The following FAM149B1 variants were observed in gnomAD, a reference collection of about 807,000 sequenced individuals.
FAM149B1 encodes family with sequence similarity 149 member B1.
Under a neutral mutation model 75.3 loss-of-function variants are expected in FAM149B1, and 56 were observed. The ratio of observed to expected loss-of-function variants is 0.74; its 90% CI spans 0.60 to 0.93. The LOEUF is 0.93. Ranked by LOEUF, FAM149B1 falls within the 40% of genes least tolerant of loss-of-function variation. The pLI is 0.00. For missense variants in FAM149B1, 639 were observed against 708.4 expected (o/e 0.90, Z 1.11); for synonymous variants, 259 against 256.1 (o/e 1.01, Z -0.11).
chr10:73,208,654 C>T lies in FAM149B1; in HGVS notation c.578C>T (p.Ser193Phe). Residue 193 changes from serine to phenylalanine, a missense_variant, in exon 6 of 14, where the codon TCT (serine) becomes TTT (phenylalanine). Coordinates refer to ENST00000242505, the MANE Select transcript of FAM149B1 (RefSeq NM_173348.2). Reference protein sequence around the residue: ...GIRGKKLHFSSSYAHKASSIA... With the variant: ...GIRGKKLHFSFSYAHKASSIA... ...AGGGGAAAGAAGTTACATTTTTCAT[C>T]TTCTTATGCTCATAAAGCATCTTCC... 6.5e-7 allele frequency: 1 copy of T among 1,538,944 alleles called. No individual in the cohort carries two copies. Among genetic ancestry groups the T allele is most frequent in the Non-Finnish European group, 8.8e-7 (1 of 1,140,270 alleles).
intron 3 of FAM149B1, among the ~76,000 whole-genome samples, chr10:73,191,711 T>G (rs1166003911): frequency 6.6e-6 from 1 of 152,224 alleles, no homozygotes; most frequent in East Asian, 1.9e-4. Context: ...AGATGCAGTA[T>G]AAAAAGTAAT....
In FAM149B1 at chr10:73,228,149, C is replaced by T. The variant is rs1336940079; in HGVS notation, c.988C>T (p.Pro330Ser). The T allele has an allele frequency of 8.4e-6, 13 of 1,551,410 alleles. No individual in the cohort carries two copies. The Admixed American group carries it at 2.4e-4, about 28-fold the overall frequency. The change falls in exon 8 of 14, where the codon CCA becomes TCA. Residue 330 changes from proline (P) to serine (S), a missense_variant. By Grantham distance (74) the Pro-to-Ser change is moderately conservative (BLOSUM62 -1). Transcript: ENST00000242505. Reference protein sequence around the residue: ...ELHPLVLPRVPQSKVLYITSN... With the variant: ...ELHPLVLPRVSQSKVLYITSN... ...ACATCCTTTGGTGTTACCGCGAGTG[C>T]CACAGTCTAAGGTGCTGTACATTAC...
intron 5 of FAM149B1, among the ~76,000 whole-genome samples, chr10:73,194,775 C>T (rs538596502): frequency 4.2e-4 from 63 of 151,802 alleles, no homozygotes; most frequent in Non-Finnish European, 6.9e-4. Flanking sequence ...CCTCCGCCTC[C>T]CAGGTTCAAG....
At chr10:73,222,477 C>T (rs982620383) in intron 7 of FAM149B1, among the ~76,000 whole-genome samples, 8 of 152,042 alleles carry the variant, frequency 5.3e-5, no homozygotes, top group Non-Finnish European at 1.2e-4. Flanking sequence ...ACTGATAGTA[C>T]ATTTTGAATG....
chr10:73,193,678 C>G, intron 5 of FAM149B1, 85 bp downstream of exon 5: 1 of 1,271,204 alleles, frequency 7.9e-7, no homozygotes, highest in Non-Finnish European at 1.1e-6. Flanking sequence ...GATTAAAATA[C>G]TTCTTCCTAC....
intron 9 of FAM149B1, 63 bp downstream of exon 9, chr10:73,230,588 AGT>A (rs2043667607): frequency 1.1e-6 from 1 of 941,560 alleles, no homozygotes. Context: ...AAGCAAAATC[AGT>A]TTATCAGTAT....
intron 4 of FAM149B1, among the ~76,000 whole-genome samples, chr10:73,193,095 C>T (rs1478188249): frequency 6.6e-6 from 1 of 152,174 alleles, no homozygotes; most frequent in Non-Finnish European, 1.5e-5. Context: ...CCACTTATTG[C>T]ACATACTCAA....
At chr10:73,198,981 A>G (rs2042870743) in intron 5 of FAM149B1, among the ~76,000 whole-genome samples, 1 of 152,100 alleles carries the variant, frequency 6.6e-6, no homozygotes, top group Admixed American at 6.5e-5. Flanking sequence ...CACTTTCATT[A>G]GAGATGCGGA....
chr10:73,192,645 C>T lies in FAM149B1; in HGVS notation c.372C>T (p.Thr124=), dbSNP rs1024747746. ...LLYEQKLSVH[T]KSLQEECQQW... ...ATGAGCAGAAGTTGAGTGTGCATAC[C>T]AAGAGTCTACAAGAAGAGTGCCAAC... The change falls in exon 4 of 14, where the codon ACC becomes ACT. Residue 124 remains threonine, a synonymous_variant. Transcript: ENST00000242505. 6.4e-7 allele frequency: 1 copy of T among 1,550,984 alleles called. No individual in the cohort carries two copies. The highest frequency in any genetic ancestry group is 8.7e-7 in the Non-Finnish European group (1 of 1,146,868).
At chr10:73,235,146 A>G (rs2043793852) in intron 11 of FAM149B1, 47 bp from the exon 12 acceptor site, 4 of 1,543,460 alleles carry the variant, frequency 2.6e-6, no homozygotes, top group Middle Eastern at 1.7e-4. Flanking sequence ...TACATACCAC[A>G]TTACAGATAG....
chr10:73,222,542 T>TC (rs991364731), intron 7 of FAM149B1, among the ~76,000 whole-genome samples: 15 of 152,300 alleles, frequency 9.8e-5, no homozygotes, highest in African/African-American at 3.6e-4. Flanking sequence ...CTATTTCTCT[T>TC]CTTTAAGATA....
At chr10:73,223,846 A>G (rs2043473392) in intron 7 of FAM149B1, among the ~76,000 whole-genome samples, 1 of 152,118 alleles carries the variant, frequency 6.6e-6, no homozygotes, top group Non-Finnish European at 1.5e-5. Flanking sequence ...GGTGGTAATT[A>G]AAAGTCCAGA....
intron 5 of FAM149B1, among the ~76,000 whole-genome samples, chr10:73,197,515 A>G (rs2042834282): frequency 6.6e-6 from 1 of 152,132 alleles, no homozygotes; most frequent in Admixed American, 6.5e-5. Context: ...CACGCCTGTA[A>G]TCCTAGCACT....
intron 12 of FAM149B1, chr10:73,235,567 C>T (rs1289449158): frequency 1.4e-6 from 1 of 714,272 alleles, no homozygotes; most frequent in East Asian, 4.2e-5. Context: ...TATGTCTGAC[C>T]ACAAGCAAGA....
chr10:73,194,930 C>T (rs1174135157), intron 5 of FAM149B1, among the ~76,000 whole-genome samples: 13 of 152,028 alleles, frequency 8.6e-5, no homozygotes, highest in African/African-American at 2.4e-4. Flanking sequence ...GTGATCTGCC[C>T]GCCTCGGCCT....
chr10:73,168,607 T>G (rs554626556), intron 1 of FAM149B1, among the ~76,000 whole-genome samples: 198 of 152,376 alleles, frequency 1.3e-3, no homozygotes, highest in Non-Finnish European at 2.1e-3. Flanking sequence ...GCACTGGGTC[T>G]GCTGAAGCAT....
chr10:73,231,943 A>G (rs552925692), intron 9 of FAM149B1, among the ~76,000 whole-genome samples: 10 of 149,372 alleles, frequency 6.7e-5, no homozygotes, highest in African/African-American at 1.7e-4. Context: ...AAAAAAAGGC[A>G]TAAGTGAATT....
At chr10:73,231,626 G>A (rs549866305) in intron 9 of FAM149B1, among the ~76,000 whole-genome samples, 1 of 146,108 alleles carries the variant, frequency 6.8e-6, no homozygotes, top group South Asian at 2.2e-4. Context: ...AGAAACGAAT[G>A]AGCTATTTTG....
intron 3 of FAM149B1, chr10:73,183,380 T>A (rs1021318493): frequency 6.6e-6 from 1 of 152,224 alleles, no homozygotes; most frequent in South Asian, 2.1e-4. Flanking sequence ...ATAAGGTTAT[T>A]ATATTTGTGG....
Sources: allele counts gnomAD v4.1 joint callset (sites outside exome capture counted in the v4.1 genomes callset), GRCh38; gene constraint gnomAD v4.1.1; transcripts MANE v1.5; gene names NCBI Gene and HGNC (gene_info 2026-07-23, HGNC 2026-07-21).